Variants in IQSEC1 observed in about 807,000 individuals in gnomAD.
The protein encoded by IQSEC1 is IQ motif and Sec7 domain ArfGEF 1.
In IQSEC1, 31 loss-of-function variants were observed where a neutral mutation model predicts 91.0. That is an observed-to-expected ratio of 0.34 (90% confidence interval 0.26 to 0.46). IQSEC1 has a LOEUF of 0.46. IQSEC1 is among the 20% of genes least tolerant of loss of function. The probability of loss-of-function intolerance (pLI) is 1.00; values close to 1 mark genes in which losing one functional copy is unlikely to be tolerated. For missense variants in IQSEC1, 1,388 were observed against 1,575.6 expected (o/e 0.88, Z 2.02); for synonymous variants, 699 against 662.6 (o/e 1.05, Z -0.84).
Position 12,967,613 on chromosome 3 carries a change from C to T in IQSEC1, c.24-25748G>A, listed in dbSNP as rs1700670412. The stretch of plus-strand genomic sequence containing the variant: ...CACGTCGGGGCTCCTGGTCCAGCGT[C>T]CGCCGGCTCCCGCGGCTCCGGCCCC... On this transcript the variant is annotated intron_variant, in intron 1 of 13. Transcript: ENST00000613206. This position sits in a 1 kb window ranked among gnomAD's most constrained non-coding sequence, Gnocchi z 5.9. The T allele has an allele frequency of 1.6e-6, 2 of 1,240,010 alleles. No individual in the cohort carries two copies. The highest frequency in any genetic ancestry group is 1.0e-6 in the Non-Finnish European group (1 of 992,874). 76.8% of individuals were successfully genotyped at this position (1,240,010 alleles called of 1,614,324 possible).
chr3:13,168,567 C>T lies in IQSEC1; in HGVS notation c.273-4434G>A, dbSNP rs80007818. On this transcript the variant is annotated intron_variant, in intron 1 of 15. Coordinates refer to the IQSEC1 transcript ENST00000648114. The stretch of plus-strand genomic sequence containing the variant: ...ACAAAATTCAAACTCCACACACAGC[C>T]CACAAAGACTGCAAGGTCTGGCCCT... 4.0e-3 allele frequency among the ~76,000 whole-genome samples: 607 copies of T among 152,308 alleles called. 5 individuals carry two copies. The highest frequency in any genetic ancestry group is 0.014 in the African/African-American group (588 of 41,568).
chr3:13,260,395 C>T (rs1239875777), intron 1 of IQSEC1, among the ~76,000 whole-genome samples: 4 of 152,200 alleles, frequency 2.6e-5, no homozygotes, highest in Admixed American at 6.5e-5. Flanking sequence ...ACACGACGGG[C>T]TGATGTGCAA....
At chr3:13,142,677 C>T (rs913267806) in intron 2 of IQSEC1, among the ~76,000 whole-genome samples, 2 of 152,228 alleles carry the variant, frequency 1.3e-5, no homozygotes, top group African/African-American at 4.8e-5. Context: ...TGGTTGAAAA[C>T]GTCAACAGAA....
rs564089954 is a variant in IQSEC1, at chr3:12,971,265, G to C, written c.24-29400C>G. On this transcript the variant is annotated intron_variant, in intron 1 of 13. Transcript: ENST00000613206. ...CCATGCAAGAGCAGAATCCAAACATGGGGGAAGACAGTGACTGAAATGATA... is the reference window on the plus strand; with the variant it reads ...CCATGCAAGAGCAGAATCCAAACATCGGGGAAGACAGTGACTGAAATGATA... Among the ~76,000 whole-genome samples, 8 of 152,304 alleles carry C rather than the reference G, an allele frequency of 5.3e-5. No individual in the cohort carries two copies. The East Asian group carries it at 1.3e-3, about 26-fold the overall frequency.
intron 2 of IQSEC1, among the ~76,000 whole-genome samples, chr3:13,112,607 A>G (rs1055448743): frequency 6.6e-6 from 1 of 152,236 alleles, no homozygotes; most frequent in Non-Finnish European, 1.5e-5. Flanking sequence ...ACCTCTGAGC[A>G]CCTGCCATGG....
chr3:13,072,168 CA>C (rs1705454469), intron 1 of IQSEC1, among the ~76,000 whole-genome samples: 1 of 152,336 alleles, frequency 6.6e-6, no homozygotes, highest in Non-Finnish European at 1.5e-5. Context: ...TGCACAGCCC[CA>C]AATGAGTGGG....
chr3:13,132,929 G>A (rs942116135), intron 2 of IQSEC1, among the ~76,000 whole-genome samples: 5 of 152,346 alleles, frequency 3.3e-5, no homozygotes, highest in African/African-American at 1.2e-4. Flanking sequence ...CCTCTCTGCT[G>A]AGTACAGGAA....
Position 12,979,309 on chromosome 3 carries a change from C to G in IQSEC1, c.24-37444G>C, listed in dbSNP as rs1701341655. Among the ~76,000 whole-genome samples, 1 of 152,196 alleles carries G rather than the reference C, an allele frequency of 6.6e-6. No individual in the cohort carries two copies. Among genetic ancestry groups the G allele is most frequent in the Non-Finnish European group, 1.5e-5 (1 of 68,046 alleles). On this transcript the variant is annotated intron_variant, in intron 1 of 13. Transcript: ENST00000613206. This position sits in a 1 kb window ranked among gnomAD's most constrained non-coding sequence, Gnocchi z 4.3. Reference sequence around the variant, plus strand: ...CTGTTATCAGCCCCATCCCTGAGGCCTGCTGTGTTTTGTTTACAACACAGA... The same window carrying G: ...CTGTTATCAGCCCCATCCCTGAGGCGTGCTGTGTTTTGTTTACAACACAGA...
At position 13,148,472 on chromosome 3, in the gene IQSEC1, C is replaced by T. The variant is rs11915081; in HGVS notation, c.302+15632G>A. On this transcript the variant is annotated intron_variant, in intron 2 of 15. Coordinates refer to the IQSEC1 transcript ENST00000648114. Reference sequence around the variant, plus strand: ...GTCTTGAGGGAGGGTCCAGAGGCCACGTCTAGAATTTCTGAATTCATTCTA... The same window carrying T: ...GTCTTGAGGGAGGGTCCAGAGGCCATGTCTAGAATTTCTGAATTCATTCTA... Among the ~76,000 whole-genome samples, 831 of 152,236 alleles carry T rather than the reference C, an allele frequency of 5.5e-3. 7 individuals carry two copies. The highest frequency in any genetic ancestry group is 0.017 in the African/African-American group (701 of 41,512).
intron 1 of IQSEC1, among the ~76,000 whole-genome samples, chr3:13,182,800 A>G (rs1693867396): frequency 1.3e-5 from 2 of 152,248 alleles, no homozygotes; most frequent in South Asian, 4.1e-4. Context: ...CAGTACCTGA[A>G]AGAAATATTT....
intron 2 of IQSEC1, among the ~76,000 whole-genome samples, chr3:13,080,291 G>A (rs982057931): frequency 3.3e-5 from 5 of 152,182 alleles, no homozygotes; most frequent in Non-Finnish European, 4.4e-5. Flanking sequence ...CCTGCACTGA[G>A]GCATGAGAGT....
At chr3:13,225,294 C>T (rs1367693074) in intron 1 of IQSEC1, among the ~76,000 whole-genome samples, 1 of 152,200 alleles carries the variant, frequency 6.6e-6, no homozygotes, top group Admixed American at 6.5e-5. Flanking sequence ...CCTTTTGATC[C>T]TGGGATGAAA....
intron 2 of IQSEC1, among the ~76,000 whole-genome samples, chr3:13,083,346 C>T (rs1459882079): frequency 6.6e-6 from 1 of 152,240 alleles, no homozygotes; most frequent in Non-Finnish European, 1.5e-5. Context: ...CCTTCACCCA[C>T]TGAGAGGCAG....
At chr3:13,172,920 C>G (rs1434977984) in intron 1 of IQSEC1, among the ~76,000 whole-genome samples, 2 of 152,216 alleles carry the variant, frequency 1.3e-5, no homozygotes, top group Non-Finnish European at 2.9e-5. Flanking sequence ...GGGTGGTTCT[C>G]TCTCACTCCA....
chr3:12,960,006 C>A (rs115802100), intron 1 of IQSEC1, among the ~76,000 whole-genome samples: 2 of 152,122 alleles, frequency 1.3e-5, no homozygotes, highest in Non-Finnish European at 2.9e-5. Context: ...TTCCTGCGAC[C>A]GCACCTCCCC....
intron 6 of IQSEC1, among the ~76,000 whole-genome samples, chr3:12,916,481 G>A (rs1200268514): frequency 1.3e-5 from 2 of 152,204 alleles, no homozygotes; most frequent in South Asian, 2.1e-4. Flanking sequence ...ATGCAAACTC[G>A]TTTTGCAGTG....
chr3:13,263,040 G>A (rs111990949), intron 1 of IQSEC1, among the ~76,000 whole-genome samples: 3,237 of 152,270 alleles, frequency 0.021, 55 homozygotes, highest in South Asian at 0.09. Flanking sequence ...ATGAGGCCAG[G>A]AGTTCGAGAC....
intron 1 of IQSEC1, among the ~76,000 whole-genome samples, chr3:13,191,379 A>C (rs1694027147): frequency 6.6e-6 from 1 of 151,730 alleles, no homozygotes; most frequent in African/African-American, 2.4e-5. Flanking sequence ...TGTGAACCCC[A>C]GGGAAAACCA....
intron 1 of IQSEC1, among the ~76,000 whole-genome samples, chr3:13,017,536 A>C (rs1421306879): frequency 6.6e-6 from 1 of 152,166 alleles, no homozygotes; most frequent in East Asian, 1.9e-4. Flanking sequence ...CCGGTGAGGA[A>C]ACCAGTAACG....
Sources: gnomAD v4.1 joint callset for allele counts (sites outside exome capture counted in the v4.1 genomes callset) on GRCh38, gnomAD v4.1.1 for gene constraint, Gnocchi (gnomAD v3.1) non-coding constraint, MANE v1.5 for transcripts, NCBI Gene and HGNC (gene_info 2026-07-23, HGNC 2026-07-21) for gene names.